PTN: variants seen among roughly 807,000 people sequenced by gnomAD.
The protein encoded by PTN is heparin affin regulatory protein.
In PTN, 18 loss-of-function variants were observed where a neutral mutation model predicts 24.1. That is an observed-to-expected ratio of 0.75 (90% CI 0.52 to 1.11). The LOEUF (loss-of-function observed/expected upper bound fraction) is 1.11. Ranked by LOEUF, PTN falls within the 50% of genes least tolerant of loss-of-function variation. The pLI, the probability that PTN is intolerant of heterozygous loss-of-function variation, is 0.00. For missense variants in PTN, 163 were observed against 198.8 expected, an observed-to-expected ratio of 0.82 and a Z score of 1.08; for synonymous variants, 78 against 68.6, an observed-to-expected ratio of 1.14 and a Z score of -0.67.
intron 1 of PTN, among the ~76,000 whole-genome samples, chr7:137,266,034 T>C (rs1809138035): frequency 6.6e-6 from 1 of 152,204 alleles, no homozygotes; most frequent in South Asian, 2.1e-4. Context: ...AACTTAATTT[T>C]AATAAAACCT....
intron 1 of PTN, among the ~76,000 whole-genome samples, chr7:137,262,160 A>C (rs2128872742): frequency 6.6e-6 from 1 of 152,272 alleles, no homozygotes; most frequent in African/African-American, 2.4e-5. Context: ...AATTTTCCTA[A>C]AAAATAACTA....
At chr7:137,329,705 T>C (rs1810318747) in intron 1 of PTN, among the ~76,000 whole-genome samples, 1 of 152,166 alleles carries the variant, frequency 6.6e-6, no homozygotes, top group Non-Finnish European at 1.5e-5. Context: ...GAATAGAAAG[T>C]AGTAAAATGT....
At chr7:137,270,301 C>T (rs1176941020) in intron 1 of PTN, among the ~76,000 whole-genome samples, 2 of 152,130 alleles carry the variant, frequency 1.3e-5, no homozygotes, top group Non-Finnish European at 2.9e-5. Flanking sequence ...ATTTAACTTC[C>T]CTGAAGTTCC....
chr7:137,245,391 T>A (rs753185775), intron 4 of PTN, among the ~76,000 whole-genome samples: 1 of 152,202 alleles, frequency 6.6e-6, no homozygotes, highest in Non-Finnish European at 1.5e-5. Flanking sequence ...GGAATTCCTA[T>A]CACTGATTAA....
intron 1 of PTN, among the ~76,000 whole-genome samples, chr7:137,338,448 T>A (rs1295856029): frequency 6.6e-6 from 1 of 152,164 alleles, no homozygotes; most frequent in Non-Finnish European, 1.5e-5. Flanking sequence ...TAAACAGCAT[T>A]AAAGGAACAA....
In PTN at chr7:137,336,079, T is replaced by C. The variant is rs572793225; in HGVS notation, c.-2+7360A>G. Among the ~76,000 whole-genome samples the C allele has an allele frequency of 3.9e-5, 6 of 152,184 alleles. No homozygotes were observed. In the South Asian group the frequency reaches 8.3e-4, roughly 21 times the overall value. ...GAAAATGACAATGACAATAGCAGGA[T>C]TGGGAAACCAGAAAGGCAGAACTTG... On this transcript the variant is annotated intron_variant, in intron 1 of 4. Coordinates refer to ENST00000348225, the MANE Select transcript of PTN (RefSeq NM_002825.7).
intron 4 of PTN, among the ~76,000 whole-genome samples, chr7:137,243,492 C>T (rs1295570235): frequency 6.6e-6 from 1 of 152,162 alleles, no homozygotes; most frequent in Non-Finnish European, 1.5e-5. Context: ...TGATATACCC[C>T]ACCACATTCT....
intron 4 of PTN, among the ~76,000 whole-genome samples, chr7:137,233,345 T>A (rs1452035520): frequency 6.6e-6 from 1 of 151,994 alleles, no homozygotes; most frequent in African/African-American, 2.4e-5. Context: ...AAACTGGGGA[T>A]AATAAAACCT....
chr7:137,333,015 G>A (rs966733297), intron 1 of PTN, among the ~76,000 whole-genome samples: 1 of 152,192 alleles, frequency 6.6e-6, no homozygotes, highest in Non-Finnish European at 1.5e-5. Context: ...TCCCAGTGTT[G>A]GAGGTGGTGC....
chr7:137,325,423 AAAGG>A (rs1163908234), intron 1 of PTN: 4 of 152,260 alleles, frequency 2.6e-5, no homozygotes, highest in Non-Finnish European at 4.4e-5. Flanking sequence ...AAAATATAGA[AAAGG>A]AAGGGAGTGT....
At chr7:137,236,337 G>C in intron 4 of PTN, 1 of 693,452 alleles carries the variant, frequency 1.4e-6, no homozygotes. Context: ...AGGGGTGGGG[G>C]AATCAGCCAC....
At chr7:137,306,788 T>C (rs1411606573) in intron 1 of PTN, among the ~76,000 whole-genome samples, 1 of 152,124 alleles carries the variant, frequency 6.6e-6, no homozygotes, top group Admixed American at 6.6e-5. Flanking sequence ...TCTGACTTAC[T>C]GTTTTGGAAA....
intron 1 of PTN, among the ~76,000 whole-genome samples, chr7:137,311,926 A>T (rs914897457): frequency 1.5e-5 from 2 of 129,092 alleles, no homozygotes; most frequent in Non-Finnish European, 2.9e-5. Context: ...GACTTGCTCA[A>T]TGCAGGGTTA....
At chr7:137,302,668 A>C in intron 1 of PTN, among the ~76,000 whole-genome samples, 1 of 151,998 alleles carries the variant, frequency 6.6e-6, no homozygotes, top group East Asian at 1.9e-4. Context: ...CTGTTATTGT[A>C]GTGAAATTTT....
At chr7:137,242,405 T>C (rs1585007953) in intron 4 of PTN, among the ~76,000 whole-genome samples, 1 of 151,928 alleles carries the variant, frequency 6.6e-6, no homozygotes, top group African/African-American at 2.4e-5. Flanking sequence ...TGGCTTGGTA[T>C]GGACAGCAGG....
rs1023931107 is a variant in PTN at position 137,274,032 on chromosome 7, C to T, written c.-1-19058G>A. Among the ~76,000 whole-genome samples the T allele has an allele frequency of 2.8e-4, 19 of 68,674 alleles. 1 individual carries two copies. The highest frequency in any genetic ancestry group is 3.8e-3 in the East Asian group (2 of 520). 45.1% of individuals were successfully genotyped at this position (68,674 alleles called of 152,430 possible). A position where few individuals can be genotyped will look rare whatever the true frequency, so the allele number is the denominator to read the frequency against. On this transcript the variant is annotated intron_variant, in intron 1 of 4. Transcript: ENST00000348225. The stretch of plus-strand genomic sequence containing the variant: ...CACTAACACCTCAAAATTTCAGAAG[C>T]GCACACACACACACACACACACAAA...
intron 4 of PTN, among the ~76,000 whole-genome samples, chr7:137,232,534 A>C (rs2128867503): frequency 6.6e-6 from 1 of 152,106 alleles, no homozygotes; most frequent in African/African-American, 2.4e-5. Context: ...ACTAAGAAAA[A>C]GTACTCTAGA....
At chr7:137,263,949 G>A (rs188051229) in intron 1 of PTN, among the ~76,000 whole-genome samples, 77 of 152,294 alleles carry the variant, frequency 5.1e-4, no homozygotes, top group East Asian at 9.6e-4. Flanking sequence ...ACTCCACCAC[G>A]TAACTGTTTT....
intron 4 of PTN, among the ~76,000 whole-genome samples, chr7:137,236,977 T>G (rs752310348): frequency 3.4e-4 from 52 of 152,242 alleles, no homozygotes; most frequent in Middle Eastern, 6.8e-3. Flanking sequence ...CCCATAAATG[T>G]TTTTCCTATT....
Sources: allele counts gnomAD v4.1 joint callset (sites outside exome capture counted in the v4.1 genomes callset), GRCh38; gene constraint gnomAD v4.1.1; transcripts MANE v1.5; gene names NCBI Gene and HGNC (gene_info 2026-07-23, HGNC 2026-07-21).